Variants in MYO1H observed in about 807,000 individuals in gnomAD.
MYO1H encodes myosin IH.
Under a neutral mutation model 149.3 loss-of-function variants are expected in MYO1H, and 118 were observed. The observed-to-expected ratio is 0.79, with a 90% CI of 0.68 to 0.92. The LOEUF (loss-of-function observed/expected upper bound fraction) is 0.92, where lower values mean the gene tolerates loss of function less well. Ranked by LOEUF, MYO1H falls within the 40% of genes least tolerant of loss-of-function variation. MYO1H has a pLI of 0.00. For missense variants in MYO1H, 1,212 were observed against 1,280.7 expected (o/e 0.95, Z 0.82); for synonymous variants, 447 against 465.2 (o/e 0.96, Z 0.50).
chr12:109,335,218 G>A, the MYO1H span, among the ~76,000 whole-genome samples: 1 of 152,142 alleles, frequency 6.6e-6, no homozygotes, highest in East Asian at 1.9e-4. Context: ...ATGCTGCTGT[G>A]AATATTGATG....
intron 20 of MYO1H, among the ~76,000 whole-genome samples, chr12:109,434,554 T>A (rs1201482032): frequency 6.6e-6 from 1 of 152,120 alleles, no homozygotes; most frequent in Non-Finnish European, 1.5e-5. Context: ...CTTTAAAGCC[T>A]AGCAACATAA....
Position 109,436,509 on chromosome 12 carries a change from A to AC in MYO1H, c.2163dup (p.Lys722GlnfsTer47). 1 of 1,611,576 alleles carries AC rather than the reference A, an allele frequency of 6.2e-7. No individual in the cohort carries two copies. Among genetic ancestry groups the AC allele is most frequent in the Non-Finnish European group, 8.5e-7 (1 of 1,178,854 alleles). ...TAAGTTGCAAGAATCCAAGCCACTT[A>AC]CAAACGCTGCCTAGGAAGGAGAGAA... On this transcript the variant is annotated frameshift_variant, in exon 22 of 32. Transcript: ENST00000310903. LOFTEE classifies it high-confidence loss of function.
At chr12:109,424,692 G>A in intron 16 of MYO1H, 56 bp from the exon 17 acceptor site, 1 of 1,402,774 alleles carries the variant, frequency 7.1e-7, no homozygotes, top group Non-Finnish European at 1.0e-6. Flanking sequence ...CGTCCTGACA[G>A]CCCTGTAGTG....
chr12:109,398,499 A>C (rs1479803830), intron 5 of MYO1H, among the ~76,000 whole-genome samples: 1 of 152,104 alleles, frequency 6.6e-6, no homozygotes, highest in African/African-American at 2.4e-5. Context: ...TAATCCCAGC[A>C]ATTTGAGAGG....
chr12:109,414,449 C>T (rs1165471850), intron 14 of MYO1H, among the ~76,000 whole-genome samples: 1 of 145,184 alleles, frequency 6.9e-6, no homozygotes, highest in Non-Finnish European at 1.5e-5. Flanking sequence ...TGCACTCCCG[C>T]CTGGGAGACA....
the MYO1H span, among the ~76,000 whole-genome samples, chr12:109,330,261 C>T: frequency 5.4e-5 from 8 of 149,460 alleles, no homozygotes; most frequent in South Asian, 1.1e-3. Context: ...TGTGTAGATA[C>T]GTGGATGAAA....
At chr12:109,338,938 C>T in the MYO1H span, among the ~76,000 whole-genome samples, 17 of 152,192 alleles carry the variant, frequency 1.1e-4, no homozygotes, top group South Asian at 2.9e-3. Context: ...CAATAGGGTT[C>T]CTGTTACGAT....
chr12:109,360,638 T>G (rs1042052055), intron 1 of MYO1H, among the ~76,000 whole-genome samples: 80 of 152,132 alleles, frequency 5.3e-4, no homozygotes, highest in Admixed American at 1.7e-3. Flanking sequence ...CCTTGGTCCT[T>G]ATGGAAGATG....
intron 1 of MYO1H, among the ~76,000 whole-genome samples, chr12:109,384,566 A>G (rs1869265799): frequency 6.6e-6 from 1 of 152,018 alleles, no homozygotes; most frequent in Non-Finnish European, 1.5e-5. Context: ...TCGTTTTCTC[A>G]CGCCCTTTAA....
At chr12:109,354,923 A>C (rs1868554284) in intron 1 of MYO1H, among the ~76,000 whole-genome samples, 1 of 152,224 alleles carries the variant, frequency 6.6e-6, no homozygotes, top group South Asian at 2.1e-4. Flanking sequence ...CTCCAGAAGG[A>C]AGAGAAGAGA....
chr12:109,436,638 C>T (rs189080608), intron 22 of MYO1H, 82 bp downstream of exon 22: 6 of 896,170 alleles, frequency 6.7e-6, no homozygotes. Flanking sequence ...AGTTCTCTCC[C>T]CCTGCTCATC....
At chr12:109,337,122 T>C in the MYO1H span, among the ~76,000 whole-genome samples, 16 of 152,252 alleles carry the variant, frequency 1.1e-4, no homozygotes, top group Admixed American at 3.9e-4. Context: ...TGACAATGAC[T>C]ATGATACATT....
intron 1 of MYO1H, among the ~76,000 whole-genome samples, chr12:109,361,813 C>CAAA (rs35915417): frequency 1.2e-3 from 69 of 56,848 alleles, no homozygotes; most frequent in East Asian, 2.7e-3. Flanking sequence ...CCTTGTCTCA[C>CAAA]AAAAAAAAAA....
chr12:109,407,219 C>T (rs765737564), intron 9 of MYO1H, among the ~76,000 whole-genome samples: 1 of 152,196 alleles, frequency 6.6e-6, no homozygotes, highest in East Asian at 1.9e-4. Context: ...CCTCCCACCT[C>T]TACGTCAAAG....
intron 13 of MYO1H, 87 bp from the exon 14 acceptor site, chr12:109,411,807 C>T (rs1277460439): frequency 1.1e-6 from 1 of 940,270 alleles, no homozygotes; most frequent in South Asian, 1.6e-5. Flanking sequence ...TAGTCCAGTA[C>T]TTTCTGTTCC....
At chr12:109,395,578 A>T (rs1229731829) in intron 3 of MYO1H, among the ~76,000 whole-genome samples, 1 of 149,946 alleles carries the variant, frequency 6.7e-6, no homozygotes, top group Admixed American at 6.8e-5. Context: ...TACTAAAAAT[A>T]AAAAAATTAG....
chr12:109,433,519 C>T (rs531752505), intron 20 of MYO1H, among the ~76,000 whole-genome samples: 13 of 152,148 alleles, frequency 8.5e-5, no homozygotes, highest in Non-Finnish European at 1.3e-4. Flanking sequence ...GATCCGAGTC[C>T]GTCTTGTGCG....
chr12:109,434,343 G>T (rs988357261), intron 20 of MYO1H, among the ~76,000 whole-genome samples: 3 of 152,008 alleles, frequency 2.0e-5, no homozygotes, highest in African/African-American at 7.2e-5. Flanking sequence ...CACATTATTT[G>T]TCTGGCTGGG....
At chr12:109,406,017 G>T (rs764319719) in exon 8 of MYO1H, 1 of 1,612,376 alleles carries the variant, frequency 6.2e-7, no homozygotes, top group Non-Finnish European at 8.5e-7. Context: ...ACACCCATGA[G>T]ATCAAGTGGA....
Sources: gnomAD v4.1 joint callset for allele counts (sites outside exome capture counted in the v4.1 genomes callset) on GRCh38, gnomAD v4.1.1 for gene constraint, MANE v1.5 for transcripts, NCBI Gene and HGNC (gene_info 2026-07-23, HGNC 2026-07-21) for gene names.